The following COL20A1 variants were observed in gnomAD, a reference collection of about 807,000 sequenced individuals.
COL20A1 encodes the protein collagen alpha-1(XX) chain.
Under a neutral mutation model 152.9 loss-of-function variants are expected in COL20A1, and 164 were observed. The observed-to-expected ratio is 1.07, with a 90% CI of 0.94 to 1.22. The LOEUF (loss-of-function observed/expected upper bound fraction) is 1.22, where lower values mean the gene tolerates loss of function less well. COL20A1 is among the 50% of genes most tolerant of loss of function. The pLI is 0.00. For missense variants in COL20A1, 1,873 were observed against 1,744.8 expected (o/e 1.07, Z -1.31); for synonymous variants, 864 against 756.0 (o/e 1.14, Z -2.34).
At chr20:63,298,245 A>G (rs2067823945) in intron 3 of COL20A1, among the ~76,000 whole-genome samples, 1 of 152,242 alleles carries the variant, frequency 6.6e-6, no homozygotes, top group Non-Finnish European at 1.5e-5. Flanking sequence ...CAGCCCCTGC[A>G]GAAGGCATTC....
chr20:63,317,633 A>G (rs113739430), intron 21 of COL20A1, among the ~76,000 whole-genome samples: 3 of 152,072 alleles, frequency 2.0e-5, no homozygotes, highest in Admixed American at 1.3e-4. Flanking sequence ...CCCATGTGCT[A>G]TGCTCGGCCC....
chr20:63,300,649 G>A (rs1485826807), intron 3 of COL20A1, among the ~76,000 whole-genome samples: 1 of 152,058 alleles, frequency 6.6e-6, no homozygotes, highest in African/African-American at 2.4e-5. Flanking sequence ...GGCTTGGTTG[G>A]TCTGTCGTTG....
chr20:63,321,102 G>C lies in COL20A1; in HGVS notation c.3240+3G>C, dbSNP rs375168334. 79 of 1,584,008 alleles carry C rather than the reference G, an allele frequency of 5.0e-5. No homozygotes were observed. The East Asian group carries it at 6.4e-4, about 13-fold the overall frequency. On this transcript the variant is annotated splice_donor_region_variant and intron_variant, in intron 26 of 35. Coordinates refer to ENST00000358894, the MANE Select transcript of COL20A1 (RefSeq NM_020882.4). ...CCCCAGGACCTCAAGGACCCCCAGT[G>C]AGTCCAGTGGCGTCTCCTTGGGGTG...
rs1021320583 is a variant in COL20A1, at chr20:63,319,451, A to C, written c.2807-36A>C. 2 of 1,482,148 alleles carry C rather than the reference A, an allele frequency of 1.3e-6. No homozygotes were observed. The highest frequency in any genetic ancestry group is 2.8e-5 in the African/African-American group (2 of 71,766). The allele number at this position is 1,482,148 out of a possible 1,614,324, so 91.8% of individuals were successfully genotyped here. A position where few individuals can be genotyped will look rare whatever the true frequency, so the allele number is the denominator to read the frequency against. ...TCAAGGTATAGGCCCGGCTGGTTGC[A>C]GCCCGTTCTCACCTGCTCCACCCCT... On this transcript the variant is annotated intron_variant, in intron 22 of 35. Transcript: ENST00000358894. The surrounding 1 kb of genome is among the most constrained non-coding windows in gnomAD (Gnocchi z 4.4).
chr20:63,304,031 G>A (rs2067891251), intron 3 of COL20A1, among the ~76,000 whole-genome samples: 1 of 142,130 alleles, frequency 7.0e-6, no homozygotes, highest in South Asian at 2.3e-4. Flanking sequence ...AGGTGTGCAG[G>A]TGTGGGTTCC....
rs748833054 is a variant in COL20A1 at position 63,325,437 on chromosome 20, C to G, written c.3295-4C>G. 2 of 1,611,794 alleles carry G rather than the reference C, an allele frequency of 1.2e-6. No individual in the cohort carries two copies. Among genetic ancestry groups the G allele is most frequent in the African/African-American group, 2.7e-5 (2 of 75,052 alleles). ...TCGCTGTCCAGCCCATCTTCCCCCT[C>G]CAGGGTCCACCAGGGGTCAAAGGAG... On this transcript the variant is annotated splice_region_variant and splice_polypyrimidine_tract_variant and intron_variant, in intron 27 of 35. Transcript: ENST00000358894.
intron 10 of COL20A1, among the ~76,000 whole-genome samples, 183 bp from the exon 11 acceptor site, chr20:63,310,198 C>A (rs1030215044): frequency 6.6e-6 from 1 of 152,002 alleles, no homozygotes; most frequent in Non-Finnish European, 1.5e-5. Context: ...ATTGATCGAT[C>A]GATGGATAAT....
intron 3 of COL20A1, among the ~76,000 whole-genome samples, chr20:63,301,925 A>G (rs2067867303): frequency 6.6e-6 from 1 of 152,198 alleles, no homozygotes; most frequent in Non-Finnish European, 1.5e-5. Context: ...GTTTATATCT[A>G]TAATCTTCCC....
intron 3 of COL20A1, among the ~76,000 whole-genome samples, chr20:63,304,129 T>C (rs1214338197): frequency 1.7e-4 from 16 of 96,862 alleles, no homozygotes; most frequent in South Asian, 4.2e-4. Context: ...TCCTCCCTCC[T>C]CTTCTCCCTC....
At chr20:63,325,565 A>T in intron 28 of COL20A1, 71 bp downstream of exon 28, 1 of 1,473,700 alleles carries the variant, frequency 6.8e-7, no homozygotes, top group Non-Finnish European at 9.4e-7. Flanking sequence ...GGAGATGGGG[A>T]GTGCCTGGGG....
chr20:63,310,182 C>T (rs2067986137), intron 10 of COL20A1, among the ~76,000 whole-genome samples, 199 bp from the exon 11 acceptor site: 1 of 152,082 alleles, frequency 6.6e-6, no homozygotes, highest in South Asian at 2.1e-4. Context: ...GCGCCTTCTC[C>T]CTTTGATTGA....
chr20:63,321,858 CTGA>C (rs2068168652), intron 26 of COL20A1, among the ~76,000 whole-genome samples, 197 bp from the exon 27 acceptor site: 1 of 139,050 alleles, frequency 7.2e-6, no homozygotes, highest in African/African-American at 3.4e-5. Flanking sequence ...CCAGAACTGC[CTGA>C]CTATGAGAGG....
In COL20A1 at chr20:63,319,724, A is replaced by G. The variant is rs2123421787; in HGVS notation, c.2916+128A>G. ...GGACCTTCCTTGGGAGGGAACATTG[A>G]CCTGGGGCTCTGTTCCTCTACCCCA... On this transcript the variant is annotated intron_variant, in intron 23 of 35. Transcript: ENST00000358894. The surrounding 1 kb of genome is among the most constrained non-coding windows in gnomAD (Gnocchi z 4.4). 2 of 648,398 alleles carry G rather than the reference A, an allele frequency of 3.1e-6. No individual in the cohort carries two copies. Among genetic ancestry groups the G allele is most frequent in the Non-Finnish European group, 5.3e-6 (2 of 374,102 alleles). 40.2% of individuals were successfully genotyped at this position (648,398 alleles called of 1,614,324 possible). A position where few individuals can be genotyped will look rare whatever the true frequency, so the allele number is the denominator to read the frequency against.
At chr20:63,303,245 G>T (rs945842967) in intron 3 of COL20A1, among the ~76,000 whole-genome samples, 5 of 152,102 alleles carry the variant, frequency 3.3e-5, no homozygotes, top group Non-Finnish European at 5.9e-5. Context: ...ATTGATTTTT[G>T]AAATGGGGTC....
intron 30 of COL20A1, 37 bp downstream of exon 30, chr20:63,326,186 A>C (rs1223946777): frequency 1.3e-6 from 2 of 1,559,438 alleles, no homozygotes; most frequent in Non-Finnish European, 1.8e-6. Flanking sequence ...ACCCCCACCC[A>C]GGGTTCCTGT....
chr20:63,294,984 C>T (rs1483985695), intron 1 of COL20A1, 114 bp from the exon 2 acceptor site: 5 of 655,986 alleles, frequency 7.6e-6, no homozygotes, highest in South Asian at 3.8e-5. Flanking sequence ...GGGTGGAGCC[C>T]GGTGTGGGGA....
At position 63,327,949 on chromosome 20, in the gene COL20A1, C is replaced by G. The variant is rs1193654130; in HGVS notation, c.3529-3C>G. The G allele has an allele frequency of 1.9e-6, 3 of 1,597,926 alleles. No homozygotes were observed. On this transcript the variant is annotated splice_region_variant and splice_polypyrimidine_tract_variant and intron_variant, in intron 31 of 35. Transcript: ENST00000358894. The stretch of plus-strand genomic sequence containing the variant: ...ACTTCTTTTCTCTTCCCCTCCTCAT[C>G]AGGGACTGCCAGGGCCCAAAGGGGA...
At position 63,313,233 on chromosome 20, in the gene COL20A1, C is replaced by G. The variant is rs750952733; in HGVS notation, c.2193C>G (p.Ser731=). 1 of 1,611,214 alleles carries G rather than the reference C, an allele frequency of 6.2e-7. No homozygotes were observed. The highest frequency in any genetic ancestry group is 8.5e-7 in the Non-Finnish European group (1 of 1,178,952). Residue 731 remains serine (S), a synonymous_variant, in exon 17 of 36, where the codon TCC becomes TCG. Coordinates refer to ENST00000358894, the MANE Select transcript of COL20A1 (RefSeq NM_020882.4). This position sits in a 1 kb window ranked among gnomAD's most constrained non-coding sequence, Gnocchi z 5.9. ...YRDGARSDPV[S]LRYTPSTVSR... ...ACGGGGCCCGCAGTGACCCTGTGTC[C>G]CTCCGCTATACCCCCTGTAGGTGCC...
chr20:63,312,962 A>AG, intron 16 of COL20A1, 28 bp downstream of exon 16: 1 of 1,531,680 alleles, frequency 6.5e-7, no homozygotes, highest in South Asian at 1.2e-5. Context: ...TGTCCTTCCG[A>AG]GGGGCCCCCC....
Sources: gnomAD v4.1 joint callset for allele counts (sites outside exome capture counted in the v4.1 genomes callset) on GRCh38, gnomAD v4.1.1 for gene constraint, Gnocchi (gnomAD v3.1) non-coding constraint, MANE v1.5 for transcripts, NCBI Gene and HGNC (gene_info 2026-07-23, HGNC 2026-07-21) for gene names.